Variants in NRXN1 observed in about 807,000 individuals in gnomAD.
NRXN1 encodes the protein neurexin 1.
In NRXN1, 39 loss-of-function variants were observed where a neutral mutation model predicts 150.9. That is an observed-to-expected ratio of 0.26 (90% CI 0.20 to 0.34). The LOEUF (loss-of-function observed/expected upper bound fraction) is 0.34, where lower values mean the gene tolerates loss of function less well. Ranked by LOEUF, NRXN1 falls within the 10% of genes least tolerant of loss-of-function variation. The probability of loss-of-function intolerance (pLI) is 1.00; values close to 1 mark genes in which losing one functional copy is unlikely to be tolerated. For synonymous variants in NRXN1, 924 were observed against 757.0 expected, an observed-to-expected ratio of 1.22 and a Z score of -3.62; for missense variants, 1,815 against 1,949.9, an observed-to-expected ratio of 0.93 and a Z score of 1.30.
At chr2:50,742,709 T>C (rs1003655878) in intron 5 of NRXN1, among the ~76,000 whole-genome samples, 1 of 152,060 alleles carries the variant, frequency 6.6e-6, no homozygotes, top group Admixed American at 6.6e-5. Context: ...ATAAGCATCA[T>C]AATACTACTC....
At chr2:50,522,605 A>C (rs1479750929) in intron 12 of NRXN1, among the ~76,000 whole-genome samples, 1 of 152,030 alleles carries the variant, frequency 6.6e-6, no homozygotes, top group African/African-American at 2.4e-5. Context: ...TCTGTTGCCT[A>C]ATCCATGTAG....
intron 17 of NRXN1, among the ~76,000 whole-genome samples, chr2:50,410,316 T>A (rs536098081): frequency 6.6e-6 from 1 of 152,348 alleles, no homozygotes; most frequent in East Asian, 1.9e-4. Flanking sequence ...TGTGATGCTC[T>A]CCTCTCCTGA....
intron 17 of NRXN1, among the ~76,000 whole-genome samples, chr2:50,356,202 C>T (rs2078802165): frequency 6.6e-6 from 1 of 152,094 alleles, no homozygotes; most frequent in Non-Finnish European, 1.5e-5. Flanking sequence ...TCACTATAAC[C>T]ATTCAAATAA....
intron 17 of NRXN1, among the ~76,000 whole-genome samples, chr2:50,460,375 C>A (rs1315876882): frequency 6.6e-6 from 1 of 152,080 alleles, no homozygotes; most frequent in Admixed American, 6.6e-5. Context: ...GACTAAAAGG[C>A]TGCTGAGAGT....
chr2:51,013,238 G>T (rs1282198712), intron 2 of NRXN1, among the ~76,000 whole-genome samples: 1 of 152,026 alleles, frequency 6.6e-6, no homozygotes, highest in Non-Finnish European at 1.5e-5. Context: ...GCAATCCACT[G>T]TGTAAAGAGG....
At chr2:50,487,480 A>G (rs2090957119) in intron 15 of NRXN1, among the ~76,000 whole-genome samples, 1 of 152,228 alleles carries the variant, frequency 6.6e-6, no homozygotes, top group Non-Finnish European at 1.5e-5. Flanking sequence ...CCTCTAGTGC[A>G]TGAAAATAAA....
chr2:50,283,055 G>A (rs1268169580), intron 17 of NRXN1, among the ~76,000 whole-genome samples: 1 of 152,074 alleles, frequency 6.6e-6, no homozygotes, highest in African/African-American at 2.4e-5. Flanking sequence ...TTTGAGACTT[G>A]TAAGCTCTGT....
chr2:50,185,988 G>T (rs2061044037), intron 18 of NRXN1, among the ~76,000 whole-genome samples: 1 of 151,968 alleles, frequency 6.6e-6, no homozygotes, highest in African/African-American at 2.4e-5. Flanking sequence ...AAATAACTTA[G>T]TAGAGATGCA....
chr2:50,812,331 A>C (rs1381495987), intron 5 of NRXN1, among the ~76,000 whole-genome samples: 1 of 152,202 alleles, frequency 6.6e-6, no homozygotes, highest in Non-Finnish European at 1.5e-5. Context: ...TTGCGGTTAC[A>C]TATGTGACTT....
chr2:50,529,877 T>G (rs1252155692), intron 11 of NRXN1, among the ~76,000 whole-genome samples: 2 of 152,186 alleles, frequency 1.3e-5, no homozygotes, highest in African/African-American at 4.8e-5. Context: ...TTTTTAACCT[T>G]AATATTTAAC....
At chr2:50,632,699 C>G (rs1447724865) in intron 5 of NRXN1, 1 of 151,964 alleles carries the variant, frequency 6.6e-6, no homozygotes, top group Non-Finnish European at 1.5e-5. Context: ...TCTCTTGTAT[C>G]TGAAATAAGT....
At chr2:50,611,921 A>T (rs1381176880) in intron 8 of NRXN1, among the ~76,000 whole-genome samples, 6 of 152,040 alleles carry the variant, frequency 3.9e-5, no homozygotes, top group Non-Finnish European at 1.5e-5. Flanking sequence ...CCCCAATCAG[A>T]TCTTCCCTTC....
rs193038929 is a variant in NRXN1, at chr2:50,462,946, A to C, written c.3364+2496T>G. 2.2e-3 allele frequency among the ~76,000 whole-genome samples: 328 copies of C among 151,912 alleles called. 1 individual carries two copies. Among genetic ancestry groups the C allele is most frequent in the African/African-American group, 7.5e-3 (311 of 41,526 alleles). On this transcript the variant is annotated intron_variant, in intron 17 of 22. Coordinates refer to ENST00000401669, the MANE Select transcript of NRXN1 (RefSeq NM_001330078.2). ...GGGAAGGTCTCATTTGTAATGTGGC[A>C]TGTTCGTTTCCCCATTAAAAAGTTT...
chr2:50,746,674 T>C (rs986498893), intron 5 of NRXN1, among the ~76,000 whole-genome samples: 3 of 152,168 alleles, frequency 2.0e-5, no homozygotes, highest in African/African-American at 7.2e-5. Context: ...GGGGGCTGCT[T>C]TTCCCTTTCT....
intron 8 of NRXN1, among the ~76,000 whole-genome samples, chr2:50,558,549 C>G (rs558893412): frequency 6.6e-6 from 1 of 152,124 alleles, no homozygotes; most frequent in African/African-American, 2.4e-5. Context: ...TGTGTATCTA[C>G]TGATTAAAAT....
intron 8 of NRXN1, among the ~76,000 whole-genome samples, chr2:50,584,063 C>T (rs769296288): frequency 1.3e-5 from 2 of 152,114 alleles, no homozygotes; most frequent in African/African-American, 2.4e-5. Context: ...AAAGTCTACC[C>T]AGTATACTGC....
intron 17 of NRXN1, among the ~76,000 whole-genome samples, chr2:50,286,384 ATTC>A (rs1295349305): frequency 6.6e-6 from 1 of 152,152 alleles, no homozygotes; most frequent in Non-Finnish European, 1.5e-5. Context: ...ATCATGTAGT[ATTC>A]TTCTTTTTGT....
chr2:50,052,390 T>C (rs1692856732), intron 21 of NRXN1, among the ~76,000 whole-genome samples: 1 of 152,068 alleles, frequency 6.6e-6, no homozygotes, highest in African/African-American at 2.4e-5. Context: ...AATTAACAAC[T>C]GGATACATAC....
intron 17 of NRXN1, among the ~76,000 whole-genome samples, chr2:50,415,460 G>C (rs2083468637): frequency 6.6e-6 from 1 of 152,108 alleles, no homozygotes; most frequent in Non-Finnish European, 1.5e-5. Flanking sequence ...GTGATGATCA[G>C]AAGCTGTGAT....
Sources: gnomAD v4.1 joint callset for allele counts (sites outside exome capture counted in the v4.1 genomes callset) on GRCh38, gnomAD v4.1.1 for gene constraint, MANE v1.5 for transcripts, NCBI Gene and HGNC (gene_info 2026-07-23, HGNC 2026-07-21) for gene names.